The following PARP4 variants were observed in gnomAD, a reference collection of about 807,000 sequenced individuals.
The protein encoded by PARP4 is poly(ADP-ribose) polymerase family member 4.
Under a neutral mutation model 187.7 loss-of-function variants are expected in PARP4, and 120 were observed. The observed-to-expected ratio is 0.64, with a 90% CI of 0.55 to 0.74. PARP4 has a LOEUF of 0.74. Among genes scored for constraint, PARP4 ranks in the 30% least tolerant of loss-of-function variants. The pLI is 0.00. For missense variants in PARP4, 1,836 were observed against 2,070.5 expected (o/e 0.89, Z 2.20); for synonymous variants, 654 against 740.9 (o/e 0.88, Z 1.90).
intron 20 of PARP4, 65 bp downstream of exon 20, chr13:24,458,979 A>G: frequency 6.1e-6 from 7 of 1,142,922 alleles, no homozygotes; most frequent in Non-Finnish European, 9.2e-6. Context: ...ACGTGCATAC[A>G]TTGCTTTGAT....
intron 30 of PARP4, among the ~76,000 whole-genome samples, chr13:24,436,594 C>T (rs973905994): frequency 6.6e-6 from 1 of 152,194 alleles, no homozygotes; most frequent in Non-Finnish European, 1.5e-5. Flanking sequence ...AGGTGTGAGA[C>T]ACTGTGTCCA....
At chr13:24,509,789 C>G (rs529747219) in intron 1 of PARP4, among the ~76,000 whole-genome samples, 5 of 152,090 alleles carry the variant, frequency 3.3e-5, no homozygotes, top group African/African-American at 1.2e-4. Context: ...AACCTTCTGC[C>G]TCCCAGGTTC....
intron 6 of PARP4, among the ~76,000 whole-genome samples, chr13:24,496,799 C>A (rs540137349): frequency 3.4e-4 from 51 of 152,238 alleles, no homozygotes; most frequent in Non-Finnish European, 6.8e-4. Flanking sequence ...CCAAGGCAAG[C>A]AGATCATGAG....
In PARP4 at chr13:24,439,698, A is replaced by G. The variant is rs181940249; in HGVS notation, c.3666+2148T>C. ...TGTGCCCTTTTGAAGCACATATAAGATAAGTATATATTTTCCAGGGCCCAT... is the reference window on the plus strand; with the variant it reads ...TGTGCCCTTTTGAAGCACATATAAGGTAAGTATATATTTTCCAGGGCCCAT... On this transcript the variant is annotated intron_variant, in intron 30 of 33. Coordinates refer to ENST00000381989, the MANE Select transcript of PARP4 (RefSeq NM_006437.4). 1.7e-3 allele frequency among the ~76,000 whole-genome samples: 258 copies of G among 152,236 alleles called. 3 individuals carry two copies. The East Asian group carries it at 0.018, about 10-fold the overall frequency.
intron 33 of PARP4, among the ~76,000 whole-genome samples, chr13:24,421,595 G>T (rs1467174669): frequency 6.6e-6 from 1 of 152,264 alleles, no homozygotes; most frequent in Non-Finnish European, 1.5e-5. Flanking sequence ...CCGCTCTACA[G>T]TTGTTTATGG....
chr13:24,490,914 T>C (rs2137530334), intron 9 of PARP4, 86 bp from the exon 10 acceptor site: 5 of 1,238,874 alleles, frequency 4.0e-6, no homozygotes, highest in Admixed American at 2.3e-5. Context: ...CTCAAAAAGA[T>C]AGGAAAAGTC....
At chr13:24,488,619 G>C (rs538665428) in intron 10 of PARP4, among the ~76,000 whole-genome samples, 1 of 151,826 alleles carries the variant, frequency 6.6e-6, no homozygotes, top group Admixed American at 6.6e-5. Flanking sequence ...CTCCCAAAGT[G>C]CTGGAATTAC....
intron 17 of PARP4, among the ~76,000 whole-genome samples, chr13:24,464,970 G>C (rs1399372365): frequency 6.6e-6 from 1 of 152,046 alleles, no homozygotes; most frequent in Non-Finnish European, 1.5e-5. Flanking sequence ...CCATTAAAAA[G>C]TGGGCAAAGG....
intron 33 of PARP4, among the ~76,000 whole-genome samples, chr13:24,421,581 C>T (rs1235599478): frequency 6.6e-6 from 1 of 152,272 alleles, no homozygotes; most frequent in Non-Finnish European, 1.5e-5. Context: ...AGCTCACGTT[C>T]CAGCCGCTCT....
chr13:24,501,582 C>G (rs9578753), intron 3 of PARP4, 51 bp downstream of exon 3: 4 of 1,250,400 alleles, frequency 3.2e-6, no homozygotes, highest in Non-Finnish European at 4.7e-6. Flanking sequence ...CAAACCCAAG[C>G]GTGTACTATG....
intron 32 of PARP4, among the ~76,000 whole-genome samples, chr13:24,428,630 C>A (rs533309083): frequency 6.6e-5 from 10 of 152,248 alleles, no homozygotes; most frequent in African/African-American, 2.4e-4. Context: ...CACAGGTACA[C>A]GCCACCATGC....
chr13:24,458,345 G>A (rs1371182949), intron 20 of PARP4, among the ~76,000 whole-genome samples: 16 of 151,782 alleles, frequency 1.1e-4, no homozygotes, highest in African/African-American at 3.4e-4. Context: ...TCCTGACCTC[G>A]TGATCCACCC....
In PARP4 at chr13:24,455,157, C is replaced by T. The variant is rs7140044; in HGVS notation, c.2618G>A (p.Ser873Asn). Residue 873 changes from serine (S) to asparagine (N), a missense_variant, in exon 22 of 34, where the codon AGT becomes AAT. Ser to Asn is a conservative substitution (Grantham distance 46). Coordinates refer to ENST00000381989, the MANE Select transcript of PARP4 (RefSeq NM_006437.4). ...AAGACAAATAATCACTTCGCTCTCA[C>T]TGGCTAGGTCAGGGAGGTCGACATC... ...DLDVDLPDLA[S>N]ESEVIICLDC... is the part of the protein sequence containing the mutation. 0.19 allele frequency: 313,484 copies of T among 1,609,718 alleles called. 31,239 individuals are homozygous for T. Among genetic ancestry groups the T allele is most frequent in the East Asian group, 0.29 (13,158 of 44,756 alleles).
At chr13:24,451,595 C>T (rs1386741240) in intron 24 of PARP4, among the ~76,000 whole-genome samples, 1 of 151,986 alleles carries the variant, frequency 6.6e-6, no homozygotes, top group African/African-American at 2.4e-5. Flanking sequence ...AAAGAGGCCC[C>T]CATTCTGCCC....
At chr13:24,487,037 G>A (rs1002787827) in intron 10 of PARP4, among the ~76,000 whole-genome samples, 30 of 150,396 alleles carry the variant, frequency 2.0e-4, no homozygotes, top group East Asian at 1.2e-3. Flanking sequence ...TGTGGTGGGC[G>A]GATCATGAGG....
intron 31 of PARP4, among the ~76,000 whole-genome samples, chr13:24,433,061 C>CT (rs1870430086): frequency 6.6e-6 from 1 of 152,082 alleles, no homozygotes; most frequent in African/African-American, 2.4e-5. Flanking sequence ...TGGGAAAAAG[C>CT]TGAGTGTTGG....
At chr13:24,472,989 C>T (rs1406648399) in intron 15 of PARP4, among the ~76,000 whole-genome samples, 2 of 150,124 alleles carry the variant, frequency 1.3e-5, no homozygotes, top group East Asian at 4.0e-4. Flanking sequence ...TCTGCCTCCT[C>T]CAACCTGCCC....
chr13:24,481,873 G>T (rs115349561), intron 12 of PARP4, among the ~76,000 whole-genome samples: 1,635 of 152,040 alleles, frequency 0.011, 36 homozygotes, highest in African/African-American at 0.036. Context: ...ACTCTAAAAA[G>T]AAAAAAATAC....
chr13:24,461,425 C>A (rs1407836480), intron 17 of PARP4, among the ~76,000 whole-genome samples: 1 of 152,176 alleles, frequency 6.6e-6, no homozygotes, highest in Non-Finnish European at 1.5e-5. Context: ...TGTTATAACA[C>A]ACCAGGCAAT....
Sources: allele counts gnomAD v4.1 joint callset (sites outside exome capture counted in the v4.1 genomes callset), GRCh38; gene constraint gnomAD v4.1.1; transcripts MANE v1.5; gene names NCBI Gene and HGNC (gene_info 2026-07-23, HGNC 2026-07-21).